The following ABCC9 variants were observed in gnomAD, a reference collection of about 807,000 sequenced individuals.
ABCC9 encodes the protein ATP binding cassette subfamily C member 9.
In ABCC9, 95 loss-of-function variants were observed where a neutral mutation model predicts 188.3. The observed-to-expected ratio is 0.50, with a 90% confidence interval of 0.43 to 0.60. The LOEUF (loss-of-function observed/expected upper bound fraction) is 0.60. Ranked by LOEUF, ABCC9 falls within the 20% of genes least tolerant of loss-of-function variation. The pLI is 0.00. For synonymous variants in ABCC9, 659 were observed against 652.7 expected (o/e 1.01, Z -0.15); for missense variants, 1,102 against 1,876.3 (o/e 0.59, Z 7.62).
At chr12:21,922,150 T>G (rs1247127298) in intron 5 of ABCC9, among the ~76,000 whole-genome samples, 1 of 152,016 alleles carries the variant, frequency 6.6e-6, no homozygotes, top group East Asian at 1.9e-4. Context: ...TGTAGATTGC[T>G]TTGAGTAGTA....
intron 25 of ABCC9, among the ~76,000 whole-genome samples, 198 bp downstream of exon 25, chr12:21,847,952 G>A (rs551008634): frequency 9.9e-5 from 15 of 152,154 alleles, no homozygotes; most frequent in African/African-American, 3.6e-4. Flanking sequence ...CATATTCTGT[G>A]GAGGCCCTCA....
chr12:21,807,337 T>G lies in ABCC9; in HGVS notation c.4449+9A>C. 1 of 1,613,860 alleles carries G rather than the reference T, an allele frequency of 6.2e-7. No homozygotes were observed. Among genetic ancestry groups the G allele is most frequent in the South Asian group, 1.1e-5 (1 of 91,086 alleles). ...TCGTCAATTTTAAAAGCTTAGATAATGCACTCACTGTGGCCATGTCAATGG... is the reference window on the plus strand; with the variant it reads ...TCGTCAATTTTAAAAGCTTAGATAAGGCACTCACTGTGGCCATGTCAATGG... On this transcript the variant is annotated intron_variant, in intron 38 of 39. Coordinates refer to ENST00000261200, the MANE Select transcript of ABCC9 (RefSeq NM_020297.4).
intron 30 of ABCC9, among the ~76,000 whole-genome samples, chr12:21,832,838 C>T (rs1943851831): frequency 6.6e-6 from 1 of 152,152 alleles, no homozygotes; most frequent in Non-Finnish European, 1.5e-5. Context: ...TTTATAGCAG[C>T]ACAAGTTGCA....
intron 7 of ABCC9, 81 bp downstream of exon 7, chr12:21,915,587 A>G (rs1445405690): frequency 1.3e-6 from 2 of 1,518,974 alleles, no homozygotes; most frequent in East Asian, 2.5e-5. Flanking sequence ...ATCCTGGCTC[A>G]CTGCAAGCTC....
At chr12:21,893,290 G>A (rs1174379938) in intron 14 of ABCC9, among the ~76,000 whole-genome samples, 1 of 152,090 alleles carries the variant, frequency 6.6e-6, no homozygotes, top group East Asian at 1.9e-4. Context: ...ATTTAAATGA[G>A]CAAAATACAA....
intron 32 of ABCC9, among the ~76,000 whole-genome samples, chr12:21,817,580 C>T (rs934347687): frequency 1.3e-5 from 2 of 152,128 alleles, no homozygotes; most frequent in Non-Finnish European, 2.9e-5. Flanking sequence ...CTTCTGTTTG[C>T]ACTTATCTCA....
At position 21,817,349 on chromosome 12, in the gene ABCC9, G is replaced by A. The variant is rs758198132; in HGVS notation, c.3772-42C>T. 13 of 1,602,162 alleles carry A rather than the reference G, an allele frequency of 8.1e-6. No individual in the cohort carries two copies. The South Asian group carries it at 8.8e-5, about 11-fold the overall frequency. On this transcript the variant is annotated intron_variant, in intron 32 of 39. Transcript: ENST00000261200. ...AAAAAATTGTTTTAAATAAATTAAA[G>A]TAAGAAGTTGTGGTTAATCACCGGA...
In ABCC9 at chr12:21,844,795, G is replaced by C. The variant is rs1166764185; in HGVS notation, c.3217C>G (p.Leu1073Val). ...ATTGGTCCAAGGATTATCTTATTGA[G>C]AAGGTTGTGGTGAAGATTTTTGGCA... The part of the protein sequence containing the change: ...TAAKNLHHNL[L>V]NKIILGPIRF... The change falls in exon 27 of 40, where the codon CTC (leucine) becomes GTC (valine). Residue 1073 changes from leucine to valine, a missense_variant. Leu to Val is a conservative substitution (Grantham distance 32). Around this residue, in one of 12 missense-constraint regions of ABCC9, gnomAD observed 74 missense variants for 132.7 expected, o/e 0.56. Coordinates refer to ENST00000261200, the MANE Select transcript of ABCC9 (RefSeq NM_020297.4). 1.2e-6 allele frequency: 2 copies of C among 1,613,876 alleles called. No homozygotes were observed. The highest frequency in any genetic ancestry group is 1.3e-5 in the African/African-American group (1 of 74,926).
chr12:21,831,137 T>C (rs1283815), intron 30 of ABCC9: 82,702 of 150,452 alleles, frequency 0.55, 23,056 homozygotes, highest in East Asian at 0.64. Context: ...CTACAACCTC[T>C]GCCTCCCAGG....
chr12:21,814,853 T>C (rs1243798992), intron 34 of ABCC9, 131 bp from the exon 35 acceptor site: 3 of 762,704 alleles, frequency 3.9e-6, no homozygotes, highest in Admixed American at 4.5e-5. Flanking sequence ...ATTATAGTTA[T>C]CATTTTTTCT....
In ABCC9 at chr12:21,798,920, C is replaced by A. The variant is rs1380863066; in HGVS notation, c.*2124G>T. On this transcript the variant is annotated 3_prime_UTR_variant, in exon 40 of 40. Coordinates refer to ENST00000261200, the MANE Select transcript of ABCC9 (RefSeq NM_020297.4). ...CACCATGGAATACTATGCAGCCATA[C>A]AAAATGATGAGTTCATGTCCTTTGT... is the stretch of plus-strand genomic sequence containing the variant. The A allele has an allele frequency of 3.2e-3, 475 of 148,544 alleles. No individual in the cohort carries two copies. The highest frequency in any genetic ancestry group is 5.9e-3 in the Admixed American group (87 of 14,668). The allele number at this position is 148,544 out of a possible 1,614,324, so 9.2% of individuals were successfully genotyped here. A position where few individuals can be genotyped will look rare whatever the true frequency, so the allele number is the denominator to read the frequency against.
chr12:21,834,705 T>C (rs1335131399), intron 30 of ABCC9, among the ~76,000 whole-genome samples: 3 of 151,544 alleles, frequency 2.0e-5, no homozygotes, highest in Non-Finnish European at 4.4e-5. Context: ...GTTCCTTTCA[T>C]ATATATATAT....
chr12:21,926,183 A>G, intron 4 of ABCC9, 120 bp from the exon 5 acceptor site: 1 of 1,360,050 alleles, frequency 7.4e-7, no homozygotes, highest in Non-Finnish European at 1.0e-6. Flanking sequence ...ACAGAATGCA[A>G]TAGTAGTTTC....
At chr12:21,844,584 A>C (rs774574252) in intron 27 of ABCC9, 32 bp from the exon 28 acceptor site, 2 of 1,601,046 alleles carry the variant, frequency 1.2e-6, no homozygotes, top group South Asian at 2.2e-5. Context: ...GTATATGATA[A>C]TACTAAACTA....
chr12:21,852,511 A>G lies in ABCC9; in HGVS notation c.2506-6T>C. 1.9e-6 allele frequency: 3 copies of G among 1,609,166 alleles called. No homozygotes were observed. The highest frequency in any genetic ancestry group is 1.1e-5 in the South Asian group (1 of 91,084). ...AGGGCTGAGAATGGATCATCCTGCA[A>G]TCAGTAAAATGGAGGAAAGATGGAC... On this transcript the variant is annotated splice_polypyrimidine_tract_variant and splice_region_variant and intron_variant, in intron 22 of 39. Coordinates refer to ENST00000261200, the MANE Select transcript of ABCC9 (RefSeq NM_020297.4).
chr12:21,897,442 G>A (rs1307920440), intron 12 of ABCC9, among the ~76,000 whole-genome samples: 2 of 152,118 alleles, frequency 1.3e-5, no homozygotes, highest in Non-Finnish European at 2.9e-5. Context: ...TAACCTGCTT[G>A]GTAGCAGATG....
intron 32 of ABCC9, among the ~76,000 whole-genome samples, chr12:21,817,570 C>G (rs1038078565): frequency 1.3e-5 from 2 of 152,154 alleles, no homozygotes; most frequent in African/African-American, 4.8e-5. Flanking sequence ...GTGGTATACT[C>G]TTCTGTTTGC....
chr12:21,882,080 C>T (rs768570802), intron 16 of ABCC9, among the ~76,000 whole-genome samples: 1 of 152,118 alleles, frequency 6.6e-6, no homozygotes, highest in African/African-American at 2.4e-5. Flanking sequence ...CCATACTGAG[C>T]CTCCCCGTCT....
chr12:21,822,611 A>C (rs536980644), intron 31 of ABCC9, among the ~76,000 whole-genome samples: 2 of 149,960 alleles, frequency 1.3e-5, no homozygotes, highest in South Asian at 4.4e-4. Flanking sequence ...CATCCTGGCT[A>C]ACACAGTGAA....
Sources: allele counts gnomAD v4.1 joint callset (sites outside exome capture counted in the v4.1 genomes callset), GRCh38; gene constraint gnomAD v4.1.1; regional missense constraint gnomAD v4.1.1; transcripts MANE v1.5; gene names NCBI Gene and HGNC (gene_info 2026-07-23, HGNC 2026-07-21).